The following SLC6A5 variants were observed in gnomAD, a reference collection of about 807,000 sequenced individuals.
The protein encoded by SLC6A5 is solute carrier family 6 member 5.
In SLC6A5, 58 loss-of-function variants were observed where a neutral mutation model predicts 90.5. The observed-to-expected ratio is 0.64, with a 90% CI of 0.52 to 0.80. SLC6A5 has a LOEUF of 0.80. SLC6A5 is among the 30% of genes least tolerant of loss of function. SLC6A5 has a pLI of 0.00. For missense variants in SLC6A5, 1,015 were observed against 1,017.6 expected (o/e 1.00, Z 0.03); for synonymous variants, 427 against 401.4 (o/e 1.06, Z -0.76).
chr11:20,600,357 GA>G (rs1565268996), intron 1 of SLC6A5, among the ~76,000 whole-genome samples: 2 of 137,858 alleles, frequency 1.5e-5, no homozygotes, highest in South Asian at 2.2e-4. Context: ...AGAAGAAGAA[GA>G]AGAAGAAGAA....
intron 9 of SLC6A5, 98 bp from the exon 10 acceptor site, chr11:20,630,593 G>A: frequency 7.2e-7 from 1 of 1,384,092 alleles, no homozygotes; most frequent in East Asian, 2.3e-5. Context: ...CTACACATGT[G>A]CAGACAAACA....
At chr11:20,630,569 G>A (rs778632886) in intron 9 of SLC6A5, 122 bp from the exon 10 acceptor site, 41 of 1,162,180 alleles carry the variant, frequency 3.5e-5, no homozygotes, top group Admixed American at 3.4e-4. Flanking sequence ...GGACATGAAC[G>A]TACACGTATA....
chr11:20,649,787 T>C (rs1235584674), intron 14 of SLC6A5, among the ~76,000 whole-genome samples: 1 of 152,210 alleles, frequency 6.6e-6, no homozygotes, highest in Non-Finnish European at 1.5e-5. Context: ...GCTATTTATA[T>C]AGTAAATGAA....
intron 7 of SLC6A5, among the ~76,000 whole-genome samples, chr11:20,623,155 T>C (rs895791784): frequency 6.6e-6 from 1 of 152,148 alleles, no homozygotes; most frequent in African/African-American, 2.4e-5. Flanking sequence ...TGCTGTTCTG[T>C]GGTGCAGGAA....
rs1455715428 is a variant in SLC6A5, at chr11:20,601,144, A to G, written c.19A>G (p.Lys7Glu). Reference sequence around the variant, plus strand: ...GTGTTTGCAGGATTGCAGTGCTCCCAAGGAAATGAATAAACTGCCAGCCAA... The same window carrying G: ...GTGTTTGCAGGATTGCAGTGCTCCCGAGGAAATGAATAAACTGCCAGCCAA... MDCSAP[K>E]EMNKLPANSP... The change falls in exon 2 of 16, where the codon AAG becomes GAG. Residue 7 changes from lysine to glutamate, a missense_variant. Lys to Glu is a moderately conservative substitution (Grantham distance 56). This residue lies in a region of SLC6A5 where 567 missense variants were observed against 507.3 expected (regional missense o/e 1.12). Coordinates refer to ENST00000525748, the MANE Select transcript of SLC6A5 (RefSeq NM_004211.5). The G allele has an allele frequency of 6.3e-7, 1 of 1,591,424 alleles. No homozygotes were observed. Among genetic ancestry groups the G allele is most frequent in the Admixed American group, 1.7e-5 (1 of 59,068 alleles).
intron 10 of SLC6A5, among the ~76,000 whole-genome samples, chr11:20,632,622 G>A (rs1378626040): frequency 6.6e-6 from 1 of 152,156 alleles, no homozygotes; most frequent in Admixed American, 6.5e-5. Flanking sequence ...TCTTCTCCCA[G>A]ACCCACTGGG....
At chr11:20,620,238 G>C (rs564264140) in intron 7 of SLC6A5, among the ~76,000 whole-genome samples, 18 of 152,276 alleles carry the variant, frequency 1.2e-4, no homozygotes, top group African/African-American at 4.3e-4. Flanking sequence ...TGAGGAGGGT[G>C]AGAACAGCAC....
At chr11:20,634,450 C>T (rs1386779015) in intron 10 of SLC6A5, among the ~76,000 whole-genome samples, 1 of 152,154 alleles carries the variant, frequency 6.6e-6, no homozygotes, top group Non-Finnish European at 1.5e-5. Context: ...CACTTGTTTC[C>T]TCTAAAAAAG....
Position 20,659,011 on chromosome 11 carries a change from T to A in SLC6A5, c.*4143T>A, listed in dbSNP as rs2133831600. 1 of 150,380 alleles carries A rather than the reference T, an allele frequency of 6.6e-6. No individual in the cohort carries two copies. Among genetic ancestry groups the A allele is most frequent in the East Asian group, 2.0e-4 (1 of 5,126 alleles). The allele number at this position is 150,380 out of a possible 1,614,324, so 9.3% of individuals were successfully genotyped here. A position where few individuals can be genotyped will look rare whatever the true frequency, so the allele number is the denominator to read the frequency against. ...TAATCAGGTCCTTATATTTTTCCAT[T>A]AACTATACATGAAGAAAATATATTA... On this transcript the variant is annotated 3_prime_UTR_variant, in exon 16 of 16. Transcript: ENST00000525748.
chr11:20,645,974 G>A (rs977056231), intron 13 of SLC6A5, among the ~76,000 whole-genome samples: 1 of 152,144 alleles, frequency 6.6e-6, no homozygotes, highest in Non-Finnish European at 1.5e-5. Flanking sequence ...GTTGAAATCA[G>A]AGCTGCTGAC....
chr11:20,636,685 C>T (rs1853214384), intron 11 of SLC6A5, among the ~76,000 whole-genome samples: 1 of 152,118 alleles, frequency 6.6e-6, no homozygotes, highest in Admixed American at 6.5e-5. Context: ...GTATCTCCTG[C>T]CTTCGTGTCA....
At chr11:20,635,073 A>C (rs1294458257) in intron 10 of SLC6A5, among the ~76,000 whole-genome samples, 3 of 152,178 alleles carry the variant, frequency 2.0e-5, no homozygotes, top group African/African-American at 7.2e-5. Flanking sequence ...CCAAGACCAC[A>C]TGAAGTGTTC....
At chr11:20,600,853 C>A (rs1472863906) in intron 1 of SLC6A5, among the ~76,000 whole-genome samples, 1 of 152,206 alleles carries the variant, frequency 6.6e-6, no homozygotes. Context: ...TTTCCATTCC[C>A]CCTTTACCCT....
chr11:20,632,988 T>A (rs1255065864), intron 10 of SLC6A5, among the ~76,000 whole-genome samples: 1 of 152,096 alleles, frequency 6.6e-6, no homozygotes, highest in African/African-American at 2.4e-5. Flanking sequence ...GGGCTGAGGA[T>A]GGGATTGGTG....
Position 20,604,453 on chromosome 11 carries a change from G to C in SLC6A5, c.679+29G>C, listed in dbSNP as rs1032250856. The C allele has an allele frequency of 2.5e-6, 4 of 1,608,042 alleles. No homozygotes were observed. In the African/African-American group the frequency reaches 4.0e-5, roughly 16 times the overall value. On this transcript the variant is annotated intron_variant, in intron 3 of 15. Coordinates refer to ENST00000525748, the MANE Select transcript of SLC6A5 (RefSeq NM_004211.5). ...TGGCTTTTCCGCTCTTTCCGCCTGC[G>C]GCGGGGCGGGGCGGGCACCTGAGGG...
At chr11:20,625,820 C>T (rs1393424034) in intron 7 of SLC6A5, among the ~76,000 whole-genome samples, 1 of 152,202 alleles carries the variant, frequency 6.6e-6, no homozygotes, top group African/African-American at 2.4e-5. Flanking sequence ...AGTTCAGTGT[C>T]ATCTCCATGA....
intron 11 of SLC6A5, 136 bp downstream of exon 11, chr11:20,636,555 C>T (rs1210903814): frequency 7.0e-6 from 5 of 715,018 alleles, no homozygotes; most frequent in Non-Finnish European, 1.3e-5. Flanking sequence ...TCTAGAGATG[C>T]TGAAGTGCCT....
chr11:20,629,946 C>T (rs1450983277), intron 9 of SLC6A5, among the ~76,000 whole-genome samples: 1 of 152,130 alleles, frequency 6.6e-6, no homozygotes, highest in Non-Finnish European at 1.5e-5. Flanking sequence ...TGGTCTCGAA[C>T]TCCTGACCTC....
chr11:20,639,090 C>A (rs1378445910), intron 13 of SLC6A5, among the ~76,000 whole-genome samples: 1 of 152,106 alleles, frequency 6.6e-6, no homozygotes, highest in Non-Finnish European at 1.5e-5. Flanking sequence ...TCCAGTTTAT[C>A]CTTCCTACTG....
Sources: allele counts gnomAD v4.1 joint callset (sites outside exome capture counted in the v4.1 genomes callset), GRCh38; gene constraint gnomAD v4.1.1; regional missense constraint gnomAD v4.1.1; transcripts MANE v1.5; gene names NCBI Gene and HGNC (gene_info 2026-07-23, HGNC 2026-07-21).